Variants in TMCC1 observed in about 807,000 individuals in gnomAD.
TMCC1 encodes transmembrane and coiled-coil domains protein 1.
In TMCC1, 15 loss-of-function variants were observed where a neutral mutation model predicts 52.4. That is an observed-to-expected ratio of 0.29 (90% CI 0.19 to 0.44). TMCC1 has a LOEUF of 0.44. Ranked by LOEUF, TMCC1 falls within the 20% of genes least tolerant of loss-of-function variation. TMCC1 has a pLI of 1.00. For missense variants in TMCC1, 503 were observed against 806.0 expected (o/e 0.62, Z 4.55); for synonymous variants, 279 against 301.9 (o/e 0.92, Z 0.79).
intron 4 of TMCC1, among the ~76,000 whole-genome samples, chr3:129,759,222 T>A (rs1217438891): frequency 6.6e-6 from 1 of 152,044 alleles, no homozygotes; most frequent in Admixed American, 6.6e-5. Flanking sequence ...CAAGTGACCT[T>A]ACATATCAAC....
rs1197707978 is a variant in TMCC1, at chr3:129,788,710, C to A, written c.576+39093G>T. ...GTCTCGATCTCCTGACCTCGTGATC[C>A]GCCCGTCTTGGCCTTCCAAAGTGCT... On this transcript the variant is annotated intron_variant, in intron 4 of 6. Coordinates refer to ENST00000393238, the MANE Select transcript of TMCC1 (RefSeq NM_001017395.5). Among the ~76,000 whole-genome samples the A allele has an allele frequency of 5.3e-5, 8 of 151,942 alleles. No homozygotes were observed. The East Asian group carries it at 1.5e-3, about 29-fold the overall frequency.
At chr3:129,738,983 ATTTTTGTAT>A (rs1226295287) in intron 4 of TMCC1, among the ~76,000 whole-genome samples, 1 of 151,678 alleles carries the variant, frequency 6.6e-6, no homozygotes, top group Non-Finnish European at 1.5e-5. Context: ...CGCCCAGCTA[ATTTTTGTAT>A]TTTTTGTAGA....
intron 1 of TMCC1, among the ~76,000 whole-genome samples, chr3:129,881,176 A>T (rs2061442581): frequency 1.3e-5 from 2 of 152,140 alleles, no homozygotes; most frequent in African/African-American, 4.8e-5. Flanking sequence ...AATTTTTTAA[A>T]TTAACATTAG....
At chr3:129,695,454 A>G (rs926529353) in intron 4 of TMCC1, among the ~76,000 whole-genome samples, 1 of 152,106 alleles carries the variant, frequency 6.6e-6, no homozygotes. Flanking sequence ...GGTTTAACTG[A>G]CTCACAGTTC....
intron 4 of TMCC1, among the ~76,000 whole-genome samples, chr3:129,750,802 C>T (rs1217102160): frequency 6.7e-6 from 1 of 149,618 alleles, no homozygotes; most frequent in African/African-American, 2.4e-5. Context: ...GTCTCGATCT[C>T]CTGACCTTGT....
chr3:129,820,900 T>C lies in TMCC1; in HGVS notation c.576+6903A>G, dbSNP rs147294264. On this transcript the variant is annotated intron_variant, in intron 4 of 6. Coordinates refer to ENST00000393238, the MANE Select transcript of TMCC1 (RefSeq NM_001017395.5). ...CTTTTAAGCACTGTTCAGAGGTTAG[T>C]AAGAGGTGGCGACTTCCAGCAATTT... Among the ~76,000 whole-genome samples, 80 of 152,346 alleles carry C rather than the reference T, an allele frequency of 5.3e-4. No homozygotes were observed. In the East Asian group the frequency reaches 0.014, roughly 28 times the overall value.
chr3:129,876,006 A>G (rs1016310272), intron 2 of TMCC1, among the ~76,000 whole-genome samples: 3 of 152,046 alleles, frequency 2.0e-5, no homozygotes, highest in African/African-American at 7.2e-5. Context: ...GTGATGGCAC[A>G]TGCCTGTAAT....
chr3:129,864,294 ACAGCTTAG>A (rs1367525689), intron 2 of TMCC1, among the ~76,000 whole-genome samples: 1 of 152,192 alleles, frequency 6.6e-6, no homozygotes, highest in African/African-American at 2.4e-5. Flanking sequence ...CTAAGATCTC[ACAGCTTAG>A]CAAGTGGCAG....
chr3:129,773,448 G>C (rs566306590), intron 4 of TMCC1, among the ~76,000 whole-genome samples: 35 of 152,236 alleles, frequency 2.3e-4, no homozygotes, highest in Admixed American at 1.4e-3. Context: ...GACAAGGAAA[G>C]AGCTAGACTT....
chr3:129,861,843 A>G (rs1485758974), intron 2 of TMCC1, among the ~76,000 whole-genome samples: 2 of 152,244 alleles, frequency 1.3e-5, no homozygotes, highest in East Asian at 1.9e-4. Context: ...AAGAGTTACC[A>G]TATTTCCTAG....
At chr3:129,683,035 A>G (rs976450078) in intron 4 of TMCC1, among the ~76,000 whole-genome samples, 3 of 152,122 alleles carry the variant, frequency 2.0e-5, no homozygotes, top group African/African-American at 4.8e-5. Flanking sequence ...GGGTTTCTCT[A>G]CGTTGGTCAG....
intron 2 of TMCC1, among the ~76,000 whole-genome samples, chr3:129,866,380 T>C (rs866419744): frequency 1.6e-5 from 2 of 124,234 alleles, no homozygotes; most frequent in Non-Finnish European, 3.4e-5. Context: ...ATATATATGT[T>C]TTTTTTTTTT....
chr3:129,703,203 A>G (rs1036225927), intron 4 of TMCC1, among the ~76,000 whole-genome samples: 1 of 152,226 alleles, frequency 6.6e-6, no homozygotes, highest in Non-Finnish European at 1.5e-5. Flanking sequence ...AAAATTGTTT[A>G]AGAATAGCCA....
intron 4 of TMCC1, among the ~76,000 whole-genome samples, chr3:129,757,743 C>G (rs1421812399): frequency 6.6e-6 from 1 of 152,026 alleles, no homozygotes; most frequent in Admixed American, 6.6e-5. Flanking sequence ...GCACGAGAAT[C>G]GCTTGAACCC....
chr3:129,803,216 A>G (rs1001659248), intron 4 of TMCC1, among the ~76,000 whole-genome samples: 2 of 152,260 alleles, frequency 1.3e-5, no homozygotes, highest in African/African-American at 4.8e-5. Flanking sequence ...ACATGCAACA[A>G]CATGAATGAA....
At chr3:129,780,043 T>G (rs751285307) in intron 4 of TMCC1, among the ~76,000 whole-genome samples, 1 of 152,254 alleles carries the variant, frequency 6.6e-6, no homozygotes, top group South Asian at 2.1e-4. Context: ...CTTTTTTCAC[T>G]GTTAAACTTC....
chr3:129,860,230 T>C (rs946053228), intron 2 of TMCC1, among the ~76,000 whole-genome samples: 2 of 151,826 alleles, frequency 1.3e-5, no homozygotes, highest in African/African-American at 4.9e-5. Context: ...AATAAAATAT[T>C]AAGTGAGTGG....
At chr3:129,886,666 G>A (rs946409287) in intron 1 of TMCC1, among the ~76,000 whole-genome samples, 12 of 152,028 alleles carry the variant, frequency 7.9e-5, no homozygotes, top group Admixed American at 1.3e-4. Context: ...CAAGCCGGGT[G>A]CAATGGCTCA....
chr3:129,875,950 A>G (rs2061185577), intron 2 of TMCC1, among the ~76,000 whole-genome samples: 1 of 152,150 alleles, frequency 6.6e-6, no homozygotes. Flanking sequence ...CCTGACCAAC[A>G]CGGAGAAACC....
Sources: gnomAD v4.1 joint callset for allele counts (sites outside exome capture counted in the v4.1 genomes callset) on GRCh38, gnomAD v4.1.1 for gene constraint, MANE v1.5 for transcripts, NCBI Gene and HGNC (gene_info 2026-07-23, HGNC 2026-07-21) for gene names.